ACSS3: variants seen among roughly 807,000 people sequenced by gnomAD.
ACSS3 encodes acyl-CoA synthetase short chain family member 3, also known as acyl-CoA synthetase short-chain family member 3, mitochondrial.
ACSS3 carries 64 observed loss-of-function variants against 84.2 expected under a neutral mutation model. That is an observed-to-expected ratio of 0.76 (90% CI 0.62 to 0.94). The LOEUF (loss-of-function observed/expected upper bound fraction) is 0.94. Ranked by LOEUF, ACSS3 falls within the 40% of genes least tolerant of loss-of-function variation. The pLI is 0.00. For missense variants in ACSS3, 815 were observed against 867.6 expected, an observed-to-expected ratio of 0.94 and a Z score of 0.76; for synonymous variants, 317 against 310.1, an observed-to-expected ratio of 1.02 and a Z score of -0.23.
At chr12:81,139,877 C>T (rs1349123258) in intron 4 of ACSS3, among the ~76,000 whole-genome samples, 3 of 151,904 alleles carry the variant, frequency 2.0e-5, no homozygotes, top group Non-Finnish European at 2.9e-5. Context: ...CCTCGTGATC[C>T]GCCTGCCTGG....
At chr12:81,156,431 C>T (rs146402937) in intron 7 of ACSS3, among the ~76,000 whole-genome samples, 1 of 151,754 alleles carries the variant, frequency 6.6e-6, no homozygotes, top group African/African-American at 2.4e-5. Context: ...TACCTAAAAC[C>T]AGGAAGGAAT....
intron 3 of ACSS3, among the ~76,000 whole-genome samples, chr12:81,138,754 T>C (rs1317144205): frequency 6.6e-6 from 1 of 152,200 alleles, no homozygotes; most frequent in Non-Finnish European, 1.5e-5. Context: ...ACCTATGAAA[T>C]GCTACTACAA....
intron 1 of ACSS3, among the ~76,000 whole-genome samples, chr12:81,091,382 G>A (rs1195836460): frequency 1.3e-5 from 2 of 151,800 alleles, no homozygotes; most frequent in Non-Finnish European, 2.9e-5. Context: ...TAGAGTAAAA[G>A]CCTATCTTGA....
At chr12:81,103,651 A>ATTTGGATC (rs926450653) in intron 1 of ACSS3, among the ~76,000 whole-genome samples, 5 of 152,098 alleles carry the variant, frequency 3.3e-5, no homozygotes, top group African/African-American at 1.2e-4. Context: ...AACCTACCTC[A>ATTTGGATC]TTTGGATCTT....
chr12:81,222,667 T>G (rs2135953371), intron 11 of ACSS3, among the ~76,000 whole-genome samples: 1 of 152,152 alleles, frequency 6.6e-6, no homozygotes, highest in South Asian at 2.1e-4. Flanking sequence ...CCAAAGAACC[T>G]TTTGATCCAC....
intron 10 of ACSS3, among the ~76,000 whole-genome samples, chr12:81,218,010 G>A (rs1403880399): frequency 6.6e-6 from 1 of 151,874 alleles, no homozygotes; most frequent in Non-Finnish European, 1.5e-5. Flanking sequence ...ATCTTGGATG[G>A]CTCTCTCTAG....
chr12:81,175,020 C>G, intron 8 of ACSS3, 81 bp downstream of exon 8: 2 of 1,476,704 alleles, frequency 1.4e-6, no homozygotes, highest in African/African-American at 2.8e-5. Context: ...TTTTCTGGTA[C>G]TGGAATACTC....
chr12:81,125,265 T>A (rs2121549573), intron 2 of ACSS3, among the ~76,000 whole-genome samples: 1 of 152,226 alleles, frequency 6.6e-6, no homozygotes, highest in East Asian at 1.9e-4. Flanking sequence ...TTTCTACTAC[T>A]AGCTAGTTTC....
intron 1 of ACSS3, among the ~76,000 whole-genome samples, chr12:81,089,556 CT>C (rs2121319109): frequency 6.6e-6 from 1 of 152,046 alleles, no homozygotes; most frequent in African/African-American, 2.4e-5. Context: ...ATGTTAAATG[CT>C]TCCTTTGAGT....
At chr12:81,155,886 A>G (rs78535870) in intron 7 of ACSS3, among the ~76,000 whole-genome samples, 3,498 of 152,324 alleles carry the variant, frequency 0.023, 136 homozygotes, top group African/African-American at 0.079. Context: ...GAAAAACTTG[A>G]CATCATCAAC....
At chr12:81,179,737 C>A (rs2030789069) in intron 8 of ACSS3, among the ~76,000 whole-genome samples, 2 of 139,218 alleles carry the variant, frequency 1.4e-5, no homozygotes, top group Non-Finnish European at 3.0e-5. Flanking sequence ...CGCCACTGCA[C>A]TCCAGCACTC....
chr12:81,210,613 T>G (rs1309512938), intron 9 of ACSS3, among the ~76,000 whole-genome samples: 1 of 152,212 alleles, frequency 6.6e-6, no homozygotes, highest in Non-Finnish European at 1.5e-5. Flanking sequence ...ATTAGAATAC[T>G]AATCTGGAAT....
intron 9 of ACSS3, among the ~76,000 whole-genome samples, chr12:81,200,714 A>G (rs2032057889): frequency 6.6e-6 from 1 of 152,082 alleles, no homozygotes; most frequent in Non-Finnish European, 1.5e-5. Flanking sequence ...AGCCTGGCCA[A>G]CATGGTGAAA....
chr12:81,194,737 G>C (rs2031745191), intron 8 of ACSS3, among the ~76,000 whole-genome samples: 1 of 151,900 alleles, frequency 6.6e-6, no homozygotes, highest in African/African-American at 2.4e-5. Flanking sequence ...TAAATACTAA[G>C]TTTTAAAATA....
Position 81,099,857 on chromosome 12 carries a change from T to A in ACSS3, c.312-9703T>A, listed in dbSNP as rs369867855. ...GAAAAAATTGATGGGAAGAGAAGAA[T>A]CATGTAAACATTTACTACTAGCCAC... On this transcript the variant is annotated intron_variant, in intron 1 of 15. Transcript: ENST00000548058. 1.5e-4 allele frequency among the ~76,000 whole-genome samples: 23 copies of A among 152,242 alleles called. No individual in the cohort carries two copies. The East Asian group carries it at 3.9e-3, about 26-fold the overall frequency.
At position 81,254,948 on chromosome 12, in the gene ACSS3, G is replaced by A; in HGVS notation, c.*26G>A. The A allele has an allele frequency of 6.6e-7, 1 of 1,518,358 alleles. No homozygotes were observed. The highest frequency in any genetic ancestry group is 8.9e-7 in the Non-Finnish European group (1 of 1,121,770). The allele number at this position is 1,518,358 out of a possible 1,614,324, so 94.1% of individuals were successfully genotyped here. A position where few individuals can be genotyped will look rare whatever the true frequency, so the allele number is the denominator to read the frequency against. ...TGAGTTTGTCTTATTCCTATTTTGA[G>A]TTGATTTAATTTCTTAATTGAAATT... On this transcript the variant is annotated 3_prime_UTR_variant, in exon 16 of 16. Transcript: ENST00000548058.
At chr12:81,134,304 G>T (rs915808771) in intron 2 of ACSS3, among the ~76,000 whole-genome samples, 43 of 152,054 alleles carry the variant, frequency 2.8e-4, no homozygotes, top group African/African-American at 1.0e-3. Flanking sequence ...TAATATAGTA[G>T]AATTTGTCTT....
rs544383172 is a variant in ACSS3, at chr12:81,223,330, A to G, written c.1514+3254A>G. Among the ~76,000 whole-genome samples the G allele has an allele frequency of 3.3e-5, 5 of 152,170 alleles. No homozygotes were observed. The East Asian group carries it at 7.7e-4, about 24-fold the overall frequency. ...TTACTTTAGTGCCTGACAATTTCTC[A>G]TTCTTCAGATATGGTTAACGATGCC... On this transcript the variant is annotated intron_variant, in intron 11 of 15. Coordinates refer to ENST00000548058, the MANE Select transcript of ACSS3 (RefSeq NM_024560.4).
chr12:81,151,806 T>C (rs1565693127), intron 5 of ACSS3, 38 bp from the exon 6 acceptor site: 2 of 1,567,292 alleles, frequency 1.3e-6, no homozygotes, highest in Non-Finnish European at 1.7e-6. Context: ...TTTTTACACA[T>C]TGTTTATTGA....
Sources: allele counts gnomAD v4.1 joint callset (sites outside exome capture counted in the v4.1 genomes callset), GRCh38; gene constraint gnomAD v4.1.1; transcripts MANE v1.5; gene names NCBI Gene and HGNC (gene_info 2026-07-23, HGNC 2026-07-21).